MYO3B: variants seen among roughly 807,000 people sequenced by gnomAD.
MYO3B encodes myosin-IIIb.
A neutral mutation model predicts 174.6 loss-of-function variants in MYO3B; 156 were observed. That is an observed-to-expected ratio of 0.89 (90% CI 0.78 to 1.02). The LOEUF (loss-of-function observed/expected upper bound fraction) is 1.02. MYO3B is among the 50% of genes least tolerant of loss of function. The pLI, the probability that MYO3B is intolerant of heterozygous loss-of-function variation, is 0.00. For synonymous variants in MYO3B, 563 were observed against 569.1 expected (o/e 0.99, Z 0.15); for missense variants, 1,632 against 1,639.4 (o/e 1.00, Z 0.08).
chr2:170,198,577 TG>T (rs1436827858), intron 1 of MYO3B, among the ~76,000 whole-genome samples: 1 of 152,238 alleles, frequency 6.6e-6, no homozygotes, highest in Non-Finnish European at 1.5e-5. Context: ...TACAGCTGTT[TG>T]GGCTGGGACA....
intron 7 of MYO3B, among the ~76,000 whole-genome samples, chr2:170,321,459 G>A (rs1282959249): frequency 6.6e-6 from 1 of 151,980 alleles, no homozygotes; most frequent in Non-Finnish European, 1.5e-5. Flanking sequence ...AATAAAAAGA[G>A]GGAAGTAACT....
intron 7 of MYO3B, among the ~76,000 whole-genome samples, chr2:170,271,017 G>T (rs2093421850): frequency 6.6e-6 from 1 of 152,200 alleles, no homozygotes; most frequent in Non-Finnish European, 1.5e-5. Context: ...TTAATTCTCA[G>T]ACCTTGAAAG....
chr2:170,498,535 A>T, intron 25 of MYO3B, 57 bp from the exon 26 acceptor site: 2 of 1,226,600 alleles, frequency 1.6e-6, no homozygotes, highest in Non-Finnish European at 2.4e-6. Flanking sequence ...GAGTAATTCT[A>T]CTATGCTGAG....
At chr2:170,264,076 T>G (rs2093365208) in intron 7 of MYO3B, among the ~76,000 whole-genome samples, 2 of 152,216 alleles carry the variant, frequency 1.3e-5, no homozygotes, top group Admixed American at 1.3e-4. Flanking sequence ...AAGCACATCC[T>G]GCATAGCCCT....
At chr2:170,257,343 C>A (rs565566528) in intron 7 of MYO3B, among the ~76,000 whole-genome samples, 2 of 152,144 alleles carry the variant, frequency 1.3e-5, no homozygotes, top group South Asian at 2.1e-4. Flanking sequence ...AGCTGTAAGA[C>A]AAGTCTCGAT....
chr2:170,498,720 T>C lies in MYO3B; in HGVS notation c.3126+17T>C. ...AAAACAAAGGTAGTTCGTTCTTTATTGTTCAAATTGTCCCGTATGATTTCT... is the reference window on the plus strand; with the variant it reads ...AAAACAAAGGTAGTTCGTTCTTTATCGTTCAAATTGTCCCGTATGATTTCT... On this transcript the variant is annotated intron_variant, in intron 26 of 34. Coordinates refer to ENST00000408978, the MANE Select transcript of MYO3B (RefSeq NM_138995.5). 2.7e-6 allele frequency: 4 copies of C among 1,464,494 alleles called. No homozygotes were observed. In the East Asian group the frequency reaches 9.1e-5, roughly 33 times the overall value. 90.7% of individuals were successfully genotyped at this position (1,464,494 alleles called of 1,614,324 possible). A position where few individuals can be genotyped will look rare whatever the true frequency, so the allele number is the denominator to read the frequency against.
chr2:170,530,112 G>A (rs1014618101), intron 30 of MYO3B, among the ~76,000 whole-genome samples: 4 of 152,220 alleles, frequency 2.6e-5, no homozygotes, highest in African/African-American at 9.6e-5. Flanking sequence ...GTGCATCTTA[G>A]TAACTTCTCA....
intron 7 of MYO3B, among the ~76,000 whole-genome samples, chr2:170,265,475 A>G (rs1310170460): frequency 6.6e-6 from 1 of 152,248 alleles, no homozygotes; most frequent in Non-Finnish European, 1.5e-5. Context: ...ACTGCCAGGT[A>G]CCCAATTCCC....
intron 1 of MYO3B, among the ~76,000 whole-genome samples, chr2:170,189,304 T>C (rs936636555): frequency 2.0e-5 from 3 of 152,136 alleles, no homozygotes; most frequent in African/African-American, 7.2e-5. Flanking sequence ...AAGGTGGTTT[T>C]CTTTGGGTTA....
At chr2:170,461,210 C>T (rs771917789) in intron 23 of MYO3B, among the ~76,000 whole-genome samples, 1 of 152,124 alleles carries the variant, frequency 6.6e-6, no homozygotes, top group African/African-American at 2.4e-5. Context: ...TGAGGTGACT[C>T]ACTCCTGTAA....
At chr2:170,338,129 A>T (rs2093957201) in intron 8 of MYO3B, 1 of 152,206 alleles carries the variant, frequency 6.6e-6, no homozygotes, top group South Asian at 2.1e-4. Context: ...AGAATTTCAG[A>T]TGCACTCATT....
At chr2:170,641,740 C>T (rs1331983471) in intron 32 of MYO3B, among the ~76,000 whole-genome samples, 1 of 151,574 alleles carries the variant, frequency 6.6e-6, no homozygotes. Context: ...CTTTTCACTG[C>T]TTAACTTATT....
At position 170,217,352 on chromosome 2, in the gene MYO3B, G is replaced by A. The variant is rs771194001; in HGVS notation, c.560G>A (p.Arg187Gln). Residue 187 changes from arginine to glutamine, a missense_variant, in exon 6 of 35, where the codon CGG (arginine) becomes CAG (glutamine). Coordinates refer to ENST00000408978, the MANE Select transcript of MYO3B (RefSeq NM_138995.5). ...VSAQLTSTRL[R>Q]RNTSVGTPFW... ...GCTCAACTCACCAGTACACGTCTGC[G>A]GAGAAACACATCTGTTGGCACCCCG... 1.6e-5 allele frequency: 26 copies of A among 1,613,928 alleles called. No homozygotes were observed. The highest frequency in any genetic ancestry group is 8.3e-5 in the Admixed American group (5 of 60,002).
At chr2:170,559,010 A>G (rs541314628) in intron 32 of MYO3B, among the ~76,000 whole-genome samples, 130 of 152,358 alleles carry the variant, frequency 8.5e-4, no homozygotes, top group Non-Finnish European at 1.1e-3. Context: ...CTTGTTACTC[A>G]TAGGAATATT....
intron 22 of MYO3B, among the ~76,000 whole-genome samples, chr2:170,418,725 G>A (rs988873874): frequency 6.6e-6 from 1 of 151,942 alleles, no homozygotes; most frequent in Non-Finnish European, 1.5e-5. Context: ...TGGGGGCAAA[G>A]GGAGAGTATG....
intron 1 of MYO3B, among the ~76,000 whole-genome samples, chr2:170,190,511 AG>A (rs781500438): frequency 3.3e-5 from 5 of 152,088 alleles, no homozygotes; most frequent in Non-Finnish European, 7.4e-5. Context: ...CAGAAACCTT[AG>A]GGATGTACCT....
In MYO3B at chr2:170,484,320, T is replaced by C. The variant is rs563052758; in HGVS notation, c.3015-14272T>C. Among the ~76,000 whole-genome samples, 4 of 152,286 alleles carry C rather than the reference T, an allele frequency of 2.6e-5. No individual in the cohort carries two copies. The East Asian group carries it at 7.7e-4, about 29-fold the overall frequency. On this transcript the variant is annotated intron_variant, in intron 25 of 34. Coordinates refer to ENST00000408978, the MANE Select transcript of MYO3B (RefSeq NM_138995.5). The stretch of plus-strand genomic sequence containing the variant: ...GGATGTGAAATGCCCATCCTCAAAA[T>C]AAATAAATTGAGGTGGTTGAACACA...
At chr2:170,519,582 T>C in intron 30 of MYO3B, 42 bp downstream of exon 30, 1 of 1,437,042 alleles carries the variant, frequency 7.0e-7, no homozygotes, top group Non-Finnish European at 9.8e-7. Context: ...TAAACTCAGG[T>C]GCTCCATTCT....
At chr2:170,622,083 T>C (rs1695968223) in intron 32 of MYO3B, among the ~76,000 whole-genome samples, 1 of 152,226 alleles carries the variant, frequency 6.6e-6, no homozygotes, top group Admixed American at 6.5e-5. Flanking sequence ...TCCACCCTTC[T>C]AAATACTGAG....
Sources: gnomAD v4.1 joint callset for allele counts (sites outside exome capture counted in the v4.1 genomes callset) on GRCh38, gnomAD v4.1.1 for gene constraint, MANE v1.5 for transcripts, NCBI Gene and HGNC (gene_info 2026-07-23, HGNC 2026-07-21) for gene names.